The following POFUT3 variants were observed in gnomAD, a reference collection of about 807,000 sequenced individuals.
POFUT3 encodes protein O-fucosyltransferase 3, also known as GDP-fucose protein O-fucosyltransferase 3.
the POFUT3 span, among the ~76,000 whole-genome samples, chr8:33,318,811 TA>T: frequency 4.0e-5 from 2 of 49,590 alleles, 1 homozygote; most frequent in African/African-American, 2.7e-4. Flanking sequence ...ATTTTATATA[TA>T]TTATATATAT....
chr8:33,450,333 G>A, the POFUT3 span, among the ~76,000 whole-genome samples: 9 of 152,168 alleles, frequency 5.9e-5, no homozygotes, highest in African/African-American at 1.2e-4. Flanking sequence ...CGTGGTACAC[G>A]TACCATTTGC....
At chr8:33,387,558 C>T in the POFUT3 span, among the ~76,000 whole-genome samples, 1 of 152,170 alleles carries the variant, frequency 6.6e-6, no homozygotes, top group Non-Finnish European at 1.5e-5. Context: ...AATCCCAGCA[C>T]TTTGGGAGGC....
the POFUT3 span, among the ~76,000 whole-genome samples, chr8:33,386,007 G>A: frequency 1.3e-5 from 2 of 151,734 alleles, no homozygotes; most frequent in Non-Finnish European, 2.9e-5. Context: ...GGTCAACATG[G>A]CGGAAACTCT....
At chr8:33,383,432 A>G in the POFUT3 span, among the ~76,000 whole-genome samples, 95 of 152,310 alleles carry the variant, frequency 6.2e-4, no homozygotes, top group Admixed American at 1.8e-3. Flanking sequence ...TAAGTGAGAA[A>G]CAGAGGCCCT....
At chr8:33,408,130 C>G in the POFUT3 span, among the ~76,000 whole-genome samples, 1 of 150,300 alleles carries the variant, frequency 6.7e-6, no homozygotes, top group South Asian at 2.2e-4. Flanking sequence ...TTGAGACCAC[C>G]CTGGGCAATA....
the POFUT3 span, among the ~76,000 whole-genome samples, chr8:33,356,772 G>A: frequency 2.0e-5 from 3 of 152,022 alleles, no homozygotes; most frequent in African/African-American, 7.2e-5. Context: ...ATGGTAATGC[G>A]TAGGTTTTCT....
the POFUT3 span, among the ~76,000 whole-genome samples, chr8:33,391,377 T>C: frequency 6.6e-6 from 1 of 152,182 alleles, no homozygotes; most frequent in Non-Finnish European, 1.5e-5. Flanking sequence ...CGTACTAACG[T>C]AAAAATGGGC....
the POFUT3 span, among the ~76,000 whole-genome samples, chr8:33,311,487 G>T: frequency 2.0e-5 from 3 of 152,160 alleles, no homozygotes; most frequent in African/African-American, 7.2e-5. Flanking sequence ...CATCCAAGGG[G>T]ATATGACCAT....
the POFUT3 span, among the ~76,000 whole-genome samples, chr8:33,367,246 A>T: frequency 6.6e-6 from 1 of 152,202 alleles, no homozygotes; most frequent in Non-Finnish European, 1.5e-5. Flanking sequence ...GAATGATGGC[A>T]AGGAACACCT....
At chr8:33,447,277 G>A in the POFUT3 span, among the ~76,000 whole-genome samples, 6 of 151,974 alleles carry the variant, frequency 3.9e-5, no homozygotes, top group African/African-American at 7.2e-5. Context: ...CTGAAAACCC[G>A]TCTCTACTAA....
the POFUT3 span, among the ~76,000 whole-genome samples, chr8:33,444,150 T>C: frequency 6.6e-6 from 1 of 151,434 alleles, no homozygotes; most frequent in Non-Finnish European, 1.5e-5. Flanking sequence ...AGAAAGAAAA[T>C]ACGGCAGGGG....
At chr8:33,410,685 C>A in the POFUT3 span, among the ~76,000 whole-genome samples, 2 of 152,126 alleles carry the variant, frequency 1.3e-5, no homozygotes, top group African/African-American at 4.8e-5. Context: ...AGTAACACAG[C>A]CCTTTGCATT....
the POFUT3 span, among the ~76,000 whole-genome samples, chr8:33,409,925 T>C: frequency 6.6e-6 from 1 of 151,960 alleles, no homozygotes. Context: ...AAAAAAACTA[T>C]CAACTAATCA....
chr8:33,342,571 A>C, the POFUT3 span, among the ~76,000 whole-genome samples: 1 of 152,232 alleles, frequency 6.6e-6, no homozygotes, highest in Non-Finnish European at 1.5e-5. Context: ...GTTCAATCTT[A>C]TTAGCCATTA....
the POFUT3 span, among the ~76,000 whole-genome samples, chr8:33,450,029 C>T: frequency 2.0e-5 from 3 of 151,554 alleles, no homozygotes; most frequent in Admixed American, 2.0e-4. Flanking sequence ...CCTCCACCTC[C>T]CAAGTTCAAG....
the POFUT3 span, among the ~76,000 whole-genome samples, chr8:33,376,357 G>A: frequency 6.6e-6 from 1 of 152,116 alleles, no homozygotes; most frequent in Non-Finnish European, 1.5e-5. Context: ...CTTATGATTG[G>A]CTCAACATAT....
At chr8:33,462,708 T>C in the POFUT3 span, among the ~76,000 whole-genome samples, 1 of 152,102 alleles carries the variant, frequency 6.6e-6, no homozygotes, top group African/African-American at 2.4e-5. Flanking sequence ...GGCAGGAGGA[T>C]GGCTTGTGCC....
At chr8:33,407,696 G>A in the POFUT3 span, among the ~76,000 whole-genome samples, 13 of 152,262 alleles carry the variant, frequency 8.5e-5, no homozygotes, top group African/African-American at 2.9e-4. Flanking sequence ...CTTTGTAGCT[G>A]AGAGCCTTAA....
chr8:33,377,017 G>C, the POFUT3 span, among the ~76,000 whole-genome samples: 1 of 152,110 alleles, frequency 6.6e-6, no homozygotes, highest in Non-Finnish European at 1.5e-5. Context: ...TGGATCACGA[G>C]GTCAAGAGTT....
Sources: gnomAD v4.1 joint callset for allele counts (sites outside exome capture counted in the v4.1 genomes callset) on GRCh38, gnomAD v4.1.1 for gene constraint, MANE v1.5 for transcripts, NCBI Gene and HGNC (gene_info 2026-07-23, HGNC 2026-07-21) for gene names.